STK24: variants seen among roughly 807,000 people sequenced by gnomAD.
STK24 encodes serine/threonine-protein kinase 24.
In STK24, 21 loss-of-function variants were observed where a neutral mutation model predicts 55.6. The ratio of observed to expected loss-of-function variants is 0.38; its 90% CI spans 0.27 to 0.54. The LOEUF (loss-of-function observed/expected upper bound fraction) is 0.54. Ranked by LOEUF, STK24 falls within the 20% of genes least tolerant of loss-of-function variation. STK24 has a pLI of 0.79. For synonymous variants in STK24, 200 were observed against 215.2 expected, an observed-to-expected ratio of 0.93 and a Z score of 0.62; for missense variants, 383 against 538.4, an observed-to-expected ratio of 0.71 and a Z score of 2.86.
At chr13:98,574,152 C>T (rs1436070289) in intron 1 of STK24, among the ~76,000 whole-genome samples, 1 of 152,138 alleles carries the variant, frequency 6.6e-6, no homozygotes, top group African/African-American at 2.4e-5. Context: ...GCTGGGATTA[C>T]AGGCGTGTGC....
chr13:98,551,895 G>A (rs1236329028), intron 1 of STK24, among the ~76,000 whole-genome samples: 1 of 152,190 alleles, frequency 6.6e-6, no homozygotes, highest in Non-Finnish European at 1.5e-5. Flanking sequence ...TCAGGAGTAT[G>A]AAAAGCACTT....
chr13:98,502,558 T>C (rs1895515772), intron 2 of STK24, among the ~76,000 whole-genome samples: 1 of 152,154 alleles, frequency 6.6e-6, no homozygotes, highest in Non-Finnish European at 1.5e-5. Flanking sequence ...GGAGCCCTCA[T>C]GAATGTATTA....
At chr13:98,552,630 G>A (rs1180972338) in intron 1 of STK24, among the ~76,000 whole-genome samples, 1 of 152,160 alleles carries the variant, frequency 6.6e-6, no homozygotes, top group Admixed American at 6.5e-5. Flanking sequence ...ACCTTGTGGA[G>A]GTCCAGGGTG....
At position 98,506,261 on chromosome 13, in the gene STK24, C is replaced by T. The variant is rs190167582; in HGVS notation, c.273+12982G>A. ...TCAGACAAAAAGAGCAACGTTCTCA[C>T]GGACCCTGTGCTAGGATGCAAAGGT... On this transcript the variant is annotated intron_variant, in intron 2 of 10. Coordinates refer to ENST00000539966, the MANE Select transcript of STK24 (RefSeq NM_001032296.4). Among the ~76,000 whole-genome samples the T allele has an allele frequency of 2.4e-4, 36 of 152,304 alleles. 2 individuals are homozygous for T. Among genetic ancestry groups the T allele is most frequent in the African/African-American group, 7.7e-4 (32 of 41,550 alleles).
intron 3 of STK24, among the ~76,000 whole-genome samples, chr13:98,482,040 C>G (rs1894604702): frequency 6.7e-6 from 1 of 149,102 alleles, no homozygotes; most frequent in South Asian, 2.1e-4. Flanking sequence ...GCACTTCAGC[C>G]TGGGTAACAG....
chr13:98,498,840 A>T (rs1390907915), intron 2 of STK24, among the ~76,000 whole-genome samples: 2 of 152,244 alleles, frequency 1.3e-5, no homozygotes, highest in Non-Finnish European at 2.9e-5. Flanking sequence ...AAAACAGGAC[A>T]GAGCCAGGCT....
intron 1 of STK24, among the ~76,000 whole-genome samples, chr13:98,563,859 C>CAA (rs1366378656): frequency 1.1e-4 from 9 of 83,108 alleles, no homozygotes; most frequent in East Asian, 7.5e-4. Context: ...GACTCCGTCT[C>CAA]AAAAAAAAAA....
rs577561106 is a variant in STK24 at position 98,571,139 on chromosome 13, G to A, written c.42+5606C>T. Reference sequence around the variant, plus strand: ...CAGGAGACCATCGGACGCCTGGACTGCGGCTTTAGAGTGTGTGTAACCGCA... The same window carrying A: ...CAGGAGACCATCGGACGCCTGGACTACGGCTTTAGAGTGTGTGTAACCGCA... On this transcript the variant is annotated intron_variant, in intron 1 of 10. Transcript: ENST00000539966. Among the ~76,000 whole-genome samples the A allele has an allele frequency of 9.7e-4, 147 of 152,294 alleles. 2 individuals are homozygous for A. In the South Asian group the frequency reaches 0.015, roughly 16 times the overall value.
chr13:98,463,584 T>TAA (rs56325686), intron 7 of STK24, 107 bp downstream of exon 7: 748 of 1,047,230 alleles, frequency 7.1e-4, no homozygotes, highest in South Asian at 3.2e-3. Flanking sequence ...CTGGATTGTC[T>TAA]AAAAAAAAAA....
At chr13:98,507,380 C>T (rs1042777250) in intron 2 of STK24, among the ~76,000 whole-genome samples, 5 of 152,154 alleles carry the variant, frequency 3.3e-5, no homozygotes, top group Non-Finnish European at 4.4e-5. Flanking sequence ...GACAGGCCTG[C>T]GGGCTCCTGG....
At chr13:98,544,672 C>T (rs966334437) in intron 1 of STK24, among the ~76,000 whole-genome samples, 1 of 152,158 alleles carries the variant, frequency 6.6e-6, no homozygotes, top group African/African-American at 2.4e-5. Context: ...CATGCGGAGA[C>T]GCCTCTACAA....
intron 2 of STK24, among the ~76,000 whole-genome samples, chr13:98,515,628 A>C (rs558624855): frequency 1.3e-5 from 2 of 152,212 alleles, no homozygotes; most frequent in African/African-American, 4.8e-5. Context: ...TGACTTCATC[A>C]CTGCTACTGT....
chr13:98,518,672 C>T (rs1896154014), intron 2 of STK24, among the ~76,000 whole-genome samples: 1 of 152,158 alleles, frequency 6.6e-6, no homozygotes, highest in Non-Finnish European at 1.5e-5. Flanking sequence ...TAATACTATT[C>T]TTTCCCACTT....
At chr13:98,533,433 C>T (rs1220771434) in intron 1 of STK24, among the ~76,000 whole-genome samples, 1 of 151,592 alleles carries the variant, frequency 6.6e-6, no homozygotes, top group African/African-American at 2.4e-5. Context: ...TAAGGAAAAC[C>T]CTAGTGCTAG....
At chr13:98,461,350 G>A (rs750278284) in intron 8 of STK24, among the ~76,000 whole-genome samples, 3 of 152,120 alleles carry the variant, frequency 2.0e-5, no homozygotes, top group African/African-American at 4.8e-5. Flanking sequence ...AATCAAAATT[G>A]TTTTACATAA....
At chr13:98,458,138 G>C (rs1288927887) in intron 9 of STK24, among the ~76,000 whole-genome samples, 2 of 152,194 alleles carry the variant, frequency 1.3e-5, no homozygotes, top group East Asian at 3.8e-4. Context: ...GGAATCTCCA[G>C]TGTTCTTCCT....
chr13:98,457,256 C>T lies in STK24; in HGVS notation c.1171G>A (p.Glu391Lys), dbSNP rs1893503392. ...GCTAGGTAGATGGCCCCTCGCAGCT[C>T]TTCAATGGACCCCAAGTTCCCTCCG... ...ACGGNLGSIE[E>K]LRGAIYLAEE... The change falls in exon 10 of 11, where the codon GAG becomes AAG. Residue 391 changes from glutamate to lysine, a missense_variant. Glu to Lys is a moderately conservative substitution (Grantham distance 56). Transcript: ENST00000539966. 1 of 1,613,792 alleles carries T rather than the reference C, an allele frequency of 6.2e-7. No homozygotes were observed. Among genetic ancestry groups the T allele is most frequent in the Admixed American group, 1.7e-5 (1 of 60,006 alleles).
intron 2 of STK24, among the ~76,000 whole-genome samples, chr13:98,507,962 G>T (rs1291211211): frequency 2.6e-5 from 4 of 152,022 alleles, no homozygotes; most frequent in Non-Finnish European, 5.9e-5. Context: ...AACCCACATG[G>T]CCCAAAATGC....
At chr13:98,460,148 T>C (rs1343681517) in intron 9 of STK24, among the ~76,000 whole-genome samples, 2 of 152,164 alleles carry the variant, frequency 1.3e-5, no homozygotes, top group Non-Finnish European at 2.9e-5. Context: ...GTCACTGTCA[T>C]CCAGTCTACA....
Sources: allele counts gnomAD v4.1 joint callset (sites outside exome capture counted in the v4.1 genomes callset), GRCh38; gene constraint gnomAD v4.1.1; transcripts MANE v1.5; gene names NCBI Gene and HGNC (gene_info 2026-07-23, HGNC 2026-07-21).